The following DLGAP2 variants were observed in gnomAD, a reference collection of about 807,000 sequenced individuals.
The protein encoded by DLGAP2 is DLG associated protein 2.
In DLGAP2, 26 loss-of-function variants were observed where a neutral mutation model predicts 100.3. That is an observed-to-expected ratio of 0.26 (90% confidence interval 0.19 to 0.36). The LOEUF is 0.36. Among genes scored for constraint, DLGAP2 ranks in the 10% least tolerant of loss-of-function variants. DLGAP2 has a pLI of 1.00. For missense variants in DLGAP2, 1,858 were observed against 1,453.2 expected (o/e 1.28, Z -4.53); for synonymous variants, 886 against 630.1 (o/e 1.41, Z -6.08).
At chr8:1,064,151 G>T (rs1803173431) in intron 2 of DLGAP2, among the ~76,000 whole-genome samples, 1 of 152,120 alleles carries the variant, frequency 6.6e-6, no homozygotes, top group Non-Finnish European at 1.5e-5. Context: ...GGCGGTGTGG[G>T]ACTATTTTAC....
chr8:1,334,533 C>T (rs1161296592), intron 3 of DLGAP2, among the ~76,000 whole-genome samples: 1 of 152,184 alleles, frequency 6.6e-6, no homozygotes, highest in African/African-American at 2.4e-5. Context: ...AAAGCTGCTT[C>T]CAGTGAGGAA....
At position 1,676,477 on chromosome 8, in the gene DLGAP2, C is replaced by A. The variant is rs1194465623; in HGVS notation, c.2203-56C>A. The A allele has an allele frequency of 1.9e-6, 3 of 1,538,906 alleles. No homozygotes were observed. The East Asian group carries it at 7.1e-5, about 36-fold the overall frequency. On this transcript the variant is annotated intron_variant, in intron 10 of 14. Coordinates refer to ENST00000637795, the MANE Select transcript of DLGAP2 (RefSeq NM_001346810.2). ...AAATCCACAACAACAACAAAATAGT[C>A]CCTTGCCCAGGCCCCATGTTTCAGT...
chr8:1,053,552 C>G (rs1802785457), intron 2 of DLGAP2, among the ~76,000 whole-genome samples: 1 of 152,058 alleles, frequency 6.6e-6, no homozygotes, highest in Non-Finnish European at 1.5e-5. Context: ...GAAGAAGAGA[C>G]AGACGCGTGA....
At chr8:825,834 T>A (rs1796676271) in intron 1 of DLGAP2, among the ~76,000 whole-genome samples, 1 of 152,256 alleles carries the variant, frequency 6.6e-6, no homozygotes, top group Non-Finnish European at 1.5e-5. Context: ...TTATCTTTAC[T>A]TTGTGTTATA....
At chr8:1,213,487 T>G (rs940965917) in intron 2 of DLGAP2, among the ~76,000 whole-genome samples, 5 of 152,226 alleles carry the variant, frequency 3.3e-5, no homozygotes, top group Admixed American at 2.0e-4. Context: ...TTGCTCACAT[T>G]ATAATGTTAA....
chr8:1,460,972 G>T (rs1477715711), intron 3 of DLGAP2, among the ~76,000 whole-genome samples: 12 of 152,242 alleles, frequency 7.9e-5, no homozygotes, highest in Admixed American at 1.3e-4. Context: ...AGTTTGGAAA[G>T]CCTGGCCTGG....
rs1429896693 is a variant in DLGAP2, at chr8:1,343,416, C to T, written c.106+84533C>T. 2.6e-5 allele frequency among the ~76,000 whole-genome samples: 4 copies of T among 152,076 alleles called. No homozygotes were observed. The East Asian group carries it at 5.8e-4, about 22-fold the overall frequency. ...TGTGTCCTGGGGTTTTCTTGGGGTCCATCATGTAGGCTTGGGGTGCCCAAG... is the reference window on the plus strand; with the variant it reads ...TGTGTCCTGGGGTTTTCTTGGGGTCTATCATGTAGGCTTGGGGTGCCCAAG... On this transcript the variant is annotated intron_variant, in intron 3 of 14. Coordinates refer to ENST00000637795, the MANE Select transcript of DLGAP2 (RefSeq NM_001346810.2).
rs188777339 is a variant in DLGAP2 at position 1,377,372 on chromosome 8, G to A, written c.106+118489G>A. Among the ~76,000 whole-genome samples the A allele has an allele frequency of 2.3e-4, 35 of 152,268 alleles. 1 individual carries two copies. The South Asian group carries it at 3.9e-3, about 17-fold the overall frequency. Reference sequence around the variant, plus strand: ...ATCCTGGGTAATATGGTGAAACCCCGTCTCTACAGAAAATACAAAAAATTA... The same window carrying A: ...ATCCTGGGTAATATGGTGAAACCCCATCTCTACAGAAAATACAAAAAATTA... On this transcript the variant is annotated intron_variant, in intron 3 of 14. Transcript: ENST00000637795.
At chr8:1,446,967 G>C (rs572211791) in intron 3 of DLGAP2, among the ~76,000 whole-genome samples, 150 of 152,300 alleles carry the variant, frequency 9.8e-4, no homozygotes, top group African/African-American at 2.8e-3. Context: ...TGCTGAAGTT[G>C]CTTATCAGCT....
rs1797949499 is a variant in DLGAP2, at chr8:887,700, TC to T, written c.19-20209del. 2.6e-5 allele frequency among the ~76,000 whole-genome samples: 4 copies of T among 152,334 alleles called. No individual in the cohort carries two copies. The South Asian group carries it at 6.2e-4, about 24-fold the overall frequency. The stretch of plus-strand genomic sequence containing the variant: ...TTCTTTAAGAATGTTGAATATTGAC[TC>T]CCAGTCTCTTCTGGCGTGTAGGGTT... On this transcript the variant is annotated intron_variant, in intron 1 of 14. Transcript: ENST00000637795.
chr8:873,276 A>G (rs1797632674), intron 1 of DLGAP2, among the ~76,000 whole-genome samples: 1 of 152,158 alleles, frequency 6.6e-6, no homozygotes, highest in African/African-American at 2.4e-5. Flanking sequence ...TGCCATCAGG[A>G]AATAGAGGTA....
At position 996,941 on chromosome 8, in the gene DLGAP2, A is replaced by G. The variant is rs1467918097; in HGVS notation, c.73+88975A>G. On this transcript the variant is annotated intron_variant, in intron 2 of 14. Transcript: ENST00000637795. The stretch of plus-strand genomic sequence containing the variant: ...CACCATTTTTAGAATTTCGCTTTGG[A>G]ACCCTTCATAGACCAGGAATCTATC... Among the ~76,000 whole-genome samples, 3 of 152,210 alleles carry G rather than the reference A, an allele frequency of 2.0e-5. No homozygotes were observed. In the East Asian group the frequency reaches 5.8e-4, roughly 29 times the overall value.
chr8:1,520,047 G>A (rs1800533733), intron 4 of DLGAP2, among the ~76,000 whole-genome samples: 1 of 152,200 alleles, frequency 6.6e-6, no homozygotes, highest in African/African-American at 2.4e-5. Context: ...GTGAAGGAGG[G>A]GCCTTCTCCA....
At chr8:1,389,060 A>G (rs1473771894) in intron 3 of DLGAP2, among the ~76,000 whole-genome samples, 3 of 151,506 alleles carry the variant, frequency 2.0e-5, no homozygotes, top group Non-Finnish European at 4.4e-5. Context: ...CTGTGAGAGC[A>G]GAGGCCGTGG....
intron 1 of DLGAP2, among the ~76,000 whole-genome samples, chr8:804,986 G>A (rs1032331332): frequency 2.0e-5 from 3 of 152,044 alleles, no homozygotes; most frequent in Non-Finnish European, 4.4e-5. Context: ...GTCCAGGCTG[G>A]TCTTGGATTC....
intron 3 of DLGAP2, among the ~76,000 whole-genome samples, chr8:1,374,034 G>A (rs867941722): frequency 1.3e-4 from 19 of 141,242 alleles, no homozygotes; most frequent in African/African-American, 5.1e-4. Context: ...CGTTTGCAGA[G>A]GGCTGTGTGG....
rs564907424 is a variant in DLGAP2, at chr8:916,307, G to C, written c.73+8341G>C. On this transcript the variant is annotated intron_variant, in intron 2 of 14. Transcript: ENST00000637795. ...GTCACTCATGAAACCATCGGATTAA[G>C]AAAATGTGGCACATATGCACCATGG... Among the ~76,000 whole-genome samples the C allele has an allele frequency of 2.6e-5, 4 of 152,324 alleles. No individual in the cohort carries two copies. The South Asian group carries it at 8.3e-4, about 32-fold the overall frequency.
intron 2 of DLGAP2, among the ~76,000 whole-genome samples, chr8:1,086,628 G>C (rs1187297190): frequency 3.9e-5 from 6 of 152,076 alleles, no homozygotes; most frequent in Non-Finnish European, 7.4e-5. Context: ...AGACAAAATA[G>C]ACTTAAAGTC....
At chr8:1,427,353 C>T (rs1274927428) in intron 3 of DLGAP2, among the ~76,000 whole-genome samples, 2 of 152,140 alleles carry the variant, frequency 1.3e-5, no homozygotes, top group Non-Finnish European at 2.9e-5. Flanking sequence ...AATAAACACT[C>T]TTTTTAAGCA....
Sources: allele counts gnomAD v4.1 joint callset (sites outside exome capture counted in the v4.1 genomes callset), GRCh38; gene constraint gnomAD v4.1.1; transcripts MANE v1.5; gene names NCBI Gene and HGNC (gene_info 2026-07-23, HGNC 2026-07-21).